The following JARID2 variants were observed in gnomAD, a reference collection of about 807,000 sequenced individuals.
JARID2 encodes protein Jumonji.
A neutral mutation model predicts 125.6 loss-of-function variants in JARID2; 21 were observed. The ratio of observed to expected loss-of-function variants is 0.17; its 90% CI spans 0.12 to 0.24. The LOEUF (loss-of-function observed/expected upper bound fraction) is 0.24, where lower values mean the gene tolerates loss of function less well. JARID2 is among the 10% of genes least tolerant of loss of function. The pLI is 1.00. For synonymous variants in JARID2, 736 were observed against 661.6 expected, an observed-to-expected ratio of 1.11 and a Z score of -1.73; for missense variants, 1,303 against 1,639.6, an observed-to-expected ratio of 0.79 and a Z score of 3.55.
At chr6:15,480,246 G>T (rs1011275712) in intron 5 of JARID2, among the ~76,000 whole-genome samples, 11 of 152,132 alleles carry the variant, frequency 7.2e-5, no homozygotes, top group Admixed American at 1.3e-4. Context: ...CATCTTCAGG[G>T]TCTTCTTTTC....
At chr6:15,492,517 C>T (rs554368017) in intron 6 of JARID2, among the ~76,000 whole-genome samples, 1 of 152,320 alleles carries the variant, frequency 6.6e-6, no homozygotes, top group South Asian at 2.1e-4. Flanking sequence ...TCCTTTTGTA[C>T]TGATTAAGTG....
At chr6:15,338,578 C>CCCT (rs1488999561) in intron 1 of JARID2, among the ~76,000 whole-genome samples, 1 of 152,186 alleles carries the variant, frequency 6.6e-6, no homozygotes, top group Non-Finnish European at 1.5e-5. Context: ...ATTGATCCAG[C>CCCT]CCTCCTGTTT....
At chr6:15,278,699 T>TC (rs2127370302) in intron 1 of JARID2, among the ~76,000 whole-genome samples, 1 of 152,180 alleles carries the variant, frequency 6.6e-6, no homozygotes, top group East Asian at 1.9e-4. Context: ...GGGGACATGC[T>TC]CCCCCATCCC....
intron 2 of JARID2, among the ~76,000 whole-genome samples, chr6:15,403,158 T>G (rs1431630267): frequency 6.6e-6 from 1 of 152,212 alleles, no homozygotes; most frequent in African/African-American, 2.4e-5. Flanking sequence ...ACATTTATGT[T>G]CACAGTGGTG....
intron 3 of JARID2, among the ~76,000 whole-genome samples, chr6:15,439,785 T>G (rs528155997): frequency 5.6e-4 from 85 of 152,316 alleles, no homozygotes; most frequent in African/African-American, 1.9e-3. Context: ...CCAGCTTCAT[T>G]GGATGAGGAG....
chr6:15,341,494 G>A lies in JARID2; in HGVS notation c.46-32623G>A, dbSNP rs72834591. Among the ~76,000 whole-genome samples, 1,397 of 152,246 alleles carry A rather than the reference G, an allele frequency of 9.2e-3. 12 individuals carry two copies. The highest frequency in any genetic ancestry group is 0.024 in the Middle Eastern group (7 of 294). On this transcript the variant is annotated intron_variant, in intron 1 of 17. Coordinates refer to ENST00000341776, the MANE Select transcript of JARID2 (RefSeq NM_004973.4). ...CATGTGCCAGCAACCTTGCCTACCC[G>A]TCATGACCCTGCCATATTATAGGTA... is the stretch of plus-strand genomic sequence containing the variant.
chr6:15,465,092 T>C (rs1266984540), intron 4 of JARID2, among the ~76,000 whole-genome samples: 1 of 152,342 alleles, frequency 6.6e-6, no homozygotes, highest in African/African-American at 2.4e-5. Context: ...CACATATTCG[T>C]ATTTGCCGAG....
intron 3 of JARID2, among the ~76,000 whole-genome samples, chr6:15,425,089 T>G (rs545307089): frequency 3.0e-4 from 45 of 152,278 alleles, no homozygotes; most frequent in Middle Eastern, 3.4e-3. Context: ...CGGTATGTAA[T>G]ACAGACTCAG....
intron 3 of JARID2, among the ~76,000 whole-genome samples, chr6:15,422,545 C>T (rs1406885200): frequency 1.3e-5 from 2 of 152,176 alleles, no homozygotes; most frequent in African/African-American, 4.8e-5. Flanking sequence ...ACATGCTGCT[C>T]ATCGACATTC....
At chr6:15,453,522 T>C (rs890685792) in intron 4 of JARID2, among the ~76,000 whole-genome samples, 4 of 152,230 alleles carry the variant, frequency 2.6e-5, no homozygotes, top group Non-Finnish European at 4.4e-5. Context: ...ATCATTCGAC[T>C]GTGGTGGGCC....
At chr6:15,317,102 A>G (rs1234818636) in intron 1 of JARID2, among the ~76,000 whole-genome samples, 3 of 152,168 alleles carry the variant, frequency 2.0e-5, no homozygotes, top group South Asian at 2.1e-4. Context: ...ATAATTAGCA[A>G]TGGTACTTTG....
At chr6:15,284,969 T>C (rs1164622396) in intron 1 of JARID2, among the ~76,000 whole-genome samples, 2 of 152,146 alleles carry the variant, frequency 1.3e-5, no homozygotes, top group East Asian at 3.9e-4. Context: ...CTCACCTGGA[T>C]TGCAGTCACT....
chr6:15,500,497 C>A (rs148134022), intron 7 of JARID2, among the ~76,000 whole-genome samples: 165 of 152,252 alleles, frequency 1.1e-3, no homozygotes, highest in African/African-American at 3.8e-3. Context: ...GCAGCCAGGA[C>A]CCCTACCCAC....
chr6:15,468,787 T>C (rs996771710), intron 5 of JARID2, 69 bp downstream of exon 5: 5 of 1,475,954 alleles, frequency 3.4e-6, no homozygotes, highest in East Asian at 2.3e-5. Context: ...AGAGAGCCTC[T>C]GCTGAGAAGA....
At chr6:15,361,068 C>T (rs1390988692) in intron 1 of JARID2, among the ~76,000 whole-genome samples, 1 of 152,210 alleles carries the variant, frequency 6.6e-6, no homozygotes, top group African/African-American at 2.4e-5. Context: ...AGGTCTGTAA[C>T]AGGTAACAGC....
intron 5 of JARID2, among the ~76,000 whole-genome samples, chr6:15,469,320 CTCTCTCTCTCTCTCTCCTG>C (rs1768920597): frequency 4.7e-5 from 5 of 107,352 alleles, no homozygotes; most frequent in East Asian, 2.7e-4. Flanking sequence ...CTCTCTCTGT[CTCTCTCTCTCTCTCTCCTG>C]TCTCTCTCTC....
At chr6:15,359,933 T>A (rs1356260666) in intron 1 of JARID2, among the ~76,000 whole-genome samples, 1 of 152,090 alleles carries the variant, frequency 6.6e-6, no homozygotes, top group Non-Finnish European at 1.5e-5. Context: ...GTGATCTATC[T>A]TCCTCGGCCT....
Position 15,427,664 on chromosome 6 carries a change from A to G in JARID2, c.323+17299A>G, listed in dbSNP as rs1402262723. Among the ~76,000 whole-genome samples the G allele has an allele frequency of 3.9e-5, 6 of 152,038 alleles. 1 individual carries two copies. The highest frequency in any genetic ancestry group is 1.5e-4 in the African/African-American group (6 of 41,376). On this transcript the variant is annotated intron_variant, in intron 3 of 17. Coordinates refer to ENST00000341776, the MANE Select transcript of JARID2 (RefSeq NM_004973.4). ...AAGGACAAGTCTAAACACCACCCTGATCTTTTTCAGCAGTTTCTGACCCTC... is the reference window on the plus strand; with the variant it reads ...AAGGACAAGTCTAAACACCACCCTGGTCTTTTTCAGCAGTTTCTGACCCTC...
At chr6:15,486,539 GGTT>G (rs2127715324) in intron 5 of JARID2, among the ~76,000 whole-genome samples, 1 of 152,334 alleles carries the variant, frequency 6.6e-6, no homozygotes, top group East Asian at 1.9e-4. Context: ...TGTCCAGTAG[GGTT>G]GTTCTGAGGA....
Sources: allele counts gnomAD v4.1 joint callset (sites outside exome capture counted in the v4.1 genomes callset), GRCh38; gene constraint gnomAD v4.1.1; transcripts MANE v1.5; gene names NCBI Gene and HGNC (gene_info 2026-07-23, HGNC 2026-07-21).